The following PRKCZ variants were observed in gnomAD, a reference collection of about 807,000 sequenced individuals.
The protein encoded by PRKCZ is protein kinase C zeta.
A neutral mutation model predicts 79.5 loss-of-function variants in PRKCZ; 33 were observed. That is an observed-to-expected ratio of 0.41 (90% CI 0.31 to 0.55). The LOEUF (loss-of-function observed/expected upper bound fraction) is 0.55. Ranked by LOEUF, PRKCZ falls within the 20% of genes least tolerant of loss-of-function variation. The pLI is 0.19. For missense variants in PRKCZ, 578 were observed against 813.5 expected (o/e 0.71, Z 3.52); for synonymous variants, 342 against 320.9 (o/e 1.07, Z -0.70).
chr1:2,144,746 C>G, intron 6 of PRKCZ: 8 of 653,830 alleles, frequency 1.2e-5, no homozygotes, highest in Non-Finnish European at 1.4e-5. Context: ...CTGGCATCCC[C>G]CCTGGGAAGC....
At chr1:2,102,518 G>C (rs1336257503) in intron 4 of PRKCZ, among the ~76,000 whole-genome samples, 2 of 151,842 alleles carry the variant, frequency 1.3e-5, no homozygotes, top group Non-Finnish European at 1.5e-5. Flanking sequence ...ATTTTTAGTA[G>C]AGATGGGGTT....
At position 2,063,314 on chromosome 1, in the gene PRKCZ, T is replaced by C. The variant is rs74612275; in HGVS notation, c.334+3723T>C. 0.011 allele frequency among the ~76,000 whole-genome samples: 1,652 copies of C among 152,262 alleles called. 141 individuals are homozygous for C. The East Asian group carries it at 0.21, about 19-fold the overall frequency. On this transcript the variant is annotated intron_variant, in intron 4 of 17. Transcript: ENST00000378567. ...TTGCTGGATCATTGATCATTCTATT[T>C]TTATTCATTTATTTTTGAGATAGCG...
chr1:2,144,366 C>T (rs771863707), intron 6 of PRKCZ, 25 bp downstream of exon 6: 25 of 1,554,076 alleles, frequency 1.6e-5, no homozygotes, highest in East Asian at 2.4e-5. Flanking sequence ...TGGGGAGGCC[C>T]GGGGGGCACG....
intron 4 of PRKCZ, among the ~76,000 whole-genome samples, chr1:2,060,596 C>T (rs767318330): frequency 7.2e-5 from 11 of 152,162 alleles, no homozygotes; most frequent in Non-Finnish European, 1.6e-4. Flanking sequence ...ATGATCTGCC[C>T]GGGGAGAGGG....
Position 2,060,460 on chromosome 1 carries a change from G to C in PRKCZ, c.334+869G>C, listed in dbSNP as rs1480460075. Among the ~76,000 whole-genome samples the C allele has an allele frequency of 6.4e-5, 7 of 110,008 alleles. No individual in the cohort carries two copies. In the South Asian group the frequency reaches 1.0e-3, roughly 16 times the overall value. 72.2% of individuals were successfully genotyped at this position (110,008 alleles called of 152,430 possible). ...GTCTTGGCTTCCAGTGAGAAGTGGG[G>C]CTGAATAGAGGTTTGGCAGTGCTTA... On this transcript the variant is annotated intron_variant, in intron 4 of 17. Transcript: ENST00000378567.
intron 4 of PRKCZ, among the ~76,000 whole-genome samples, chr1:2,108,615 A>G (rs369340955): frequency 5.9e-5 from 9 of 152,290 alleles, no homozygotes; most frequent in African/African-American, 2.2e-4. Flanking sequence ...CTCTCTCTCC[A>G]GCCATGTCCC....
rs3067304 is a variant in PRKCZ, at chr1:2,101,019, TAAAA to T, written c.335-34227_335-34224del. 2.7e-3 allele frequency among the ~76,000 whole-genome samples: 364 copies of T among 133,480 alleles called. 4 individuals are homozygous for T. Among genetic ancestry groups the T allele is most frequent in the African/African-American group, 8.6e-3 (313 of 36,504 alleles). 87.6% of individuals were successfully genotyped at this position (133,480 alleles called of 152,430 possible). On this transcript the variant is annotated intron_variant, in intron 4 of 17. Coordinates refer to ENST00000378567, the MANE Select transcript of PRKCZ (RefSeq NM_002744.6). ...AAATGACTAAGACAATTTATTTTGT[TAAAA>T]AAAAAAAAAAAAAAAGGCGTTAAGA...
chr1:2,067,945 C>T (rs1256976711), intron 4 of PRKCZ, among the ~76,000 whole-genome samples: 1 of 152,204 alleles, frequency 6.6e-6, no homozygotes, highest in African/African-American at 2.4e-5. Context: ...TCCGCTGGCA[C>T]CTGGGCTGAC....
chr1:2,111,048 T>G (rs577176755), intron 4 of PRKCZ, among the ~76,000 whole-genome samples: 1 of 152,178 alleles, frequency 6.6e-6, no homozygotes, highest in East Asian at 1.9e-4. Flanking sequence ...TCACACAGCA[T>G]GGCGAGGTAA....
rs909142824 is a variant in PRKCZ at position 2,149,654 on chromosome 1, G to A, written c.687+730G>A. ...GCACATCGCTTGAGTCCAGGAGCTC[G>A]AGAACAGCCTGGGCAGCATAGCGAG... is the stretch of plus-strand genomic sequence containing the variant. On this transcript the variant is annotated intron_variant, in intron 8 of 17. Coordinates refer to ENST00000378567, the MANE Select transcript of PRKCZ (RefSeq NM_002744.6). This position sits in a 1 kb window ranked among gnomAD's most constrained non-coding sequence, Gnocchi z 4.1. Among the ~76,000 whole-genome samples, 104 of 152,184 alleles carry A rather than the reference G, an allele frequency of 6.8e-4. No individual in the cohort carries two copies. The highest frequency in any genetic ancestry group is 6.2e-3 in the Admixed American group (94 of 15,284).
rs1172953887 is a variant in PRKCZ, at chr1:2,101,647, C to T, written c.335-33615C>T. Among the ~76,000 whole-genome samples, 8 of 152,198 alleles carry T rather than the reference C, an allele frequency of 5.3e-5. No homozygotes were observed. In the East Asian group the frequency reaches 1.5e-3, roughly 29 times the overall value. Reference sequence around the variant, plus strand: ...AGTGCCCTGGGCTTCAGTTCCCCTTCCTGGAGAATGAGGGTGGGAGAGCAC... The same window carrying T: ...AGTGCCCTGGGCTTCAGTTCCCCTTTCTGGAGAATGAGGGTGGGAGAGCAC... On this transcript the variant is annotated intron_variant, in intron 4 of 17. Transcript: ENST00000378567.
At position 2,178,242 on chromosome 1, in the gene PRKCZ, G is replaced by A. The variant is rs1290325183; in HGVS notation, c.1575+2929G>A. On this transcript the variant is annotated intron_variant, in intron 16 of 17. Coordinates refer to ENST00000378567, the MANE Select transcript of PRKCZ (RefSeq NM_002744.6). The surrounding 1 kb of genome is among the most constrained non-coding windows in gnomAD (Gnocchi z 4.3). ...CCTGCAGTGGCTGCTCCGCCAGGCT[G>A]TGTGGCTCTGCCTGGTCTGCACATG... Among the ~76,000 whole-genome samples, 3 of 152,210 alleles carry A rather than the reference G, an allele frequency of 2.0e-5. No individual in the cohort carries two copies. The highest frequency in any genetic ancestry group is 4.4e-5 in the Non-Finnish European group (3 of 68,032).
intron 4 of PRKCZ, among the ~76,000 whole-genome samples, chr1:2,119,637 A>G (rs1671451820): frequency 6.6e-6 from 1 of 152,236 alleles, no homozygotes; most frequent in Non-Finnish European, 1.5e-5. Context: ...TGTCTTAGAC[A>G]GTGGTCCTTC....
At chr1:2,099,358 C>T (rs866652469) in intron 4 of PRKCZ, among the ~76,000 whole-genome samples, 1 of 152,196 alleles carries the variant, frequency 6.6e-6, no homozygotes, top group Non-Finnish European at 1.5e-5. Flanking sequence ...CCAGGCTGGG[C>T]GGCTGCCAGA....
rs1223057592 is a variant in PRKCZ at position 2,174,887 on chromosome 1, G to A, written c.1485+54G>A. ...TCGTTTGTGGCCTCGGTGTTGGTGG[G>A]CAGAGGGCCAGGCACGGCTGTTGGC... On this transcript the variant is annotated intron_variant, in intron 15 of 17. Transcript: ENST00000378567. The surrounding 1 kb of genome is among the most constrained non-coding windows in gnomAD (Gnocchi z 6.2). 2 of 1,567,310 alleles carry A rather than the reference G, an allele frequency of 1.3e-6. No individual in the cohort carries two copies. The highest frequency in any genetic ancestry group is 2.7e-5 in the African/African-American group (2 of 73,914).
At chr1:2,067,149 T>C (rs1367521523) in intron 4 of PRKCZ, among the ~76,000 whole-genome samples, 2 of 152,360 alleles carry the variant, frequency 1.3e-5, no homozygotes, top group African/African-American at 4.8e-5. Context: ...GGATAATGTC[T>C]GTTTTTTGAA....
Position 2,173,827 on chromosome 1 carries a change from C to G in PRKCZ, c.1286-70C>G, listed in dbSNP as rs908554950. ...CGTGTCAACTGGGCATGAAAACCAA[C>G]GCCAGCCAGGTTCGTCCTGCTGCCG... On this transcript the variant is annotated intron_variant, in intron 13 of 17. Transcript: ENST00000378567. The surrounding 1 kb of genome is among the most constrained non-coding windows in gnomAD (Gnocchi z 5.7). 6.6e-7 allele frequency: 1 copy of G among 1,508,330 alleles called. No individual in the cohort carries two copies. The highest frequency in any genetic ancestry group is 8.9e-7 in the Non-Finnish European group (1 of 1,124,026). 93.4% of individuals were successfully genotyped at this position (1,508,330 alleles called of 1,614,324 possible).
chr1:2,105,196 A>G (rs1164741292), intron 4 of PRKCZ, among the ~76,000 whole-genome samples: 1 of 152,204 alleles, frequency 6.6e-6, no homozygotes, highest in Non-Finnish European at 1.5e-5. Context: ...GTCAGGAGAC[A>G]GCTCTTGCGC....
At chr1:2,087,302 C>G (rs371195545) in intron 4 of PRKCZ, among the ~76,000 whole-genome samples, 1 of 152,082 alleles carries the variant, frequency 6.6e-6, no homozygotes, top group Admixed American at 6.5e-5. Flanking sequence ...AGGCTGGTCT[C>G]GAACTCCTGA....
Sources: allele counts gnomAD v4.1 joint callset (sites outside exome capture counted in the v4.1 genomes callset), GRCh38; gene constraint gnomAD v4.1.1; non-coding constraint Gnocchi (gnomAD v3.1); transcripts MANE v1.5; gene names NCBI Gene and HGNC (gene_info 2026-07-23, HGNC 2026-07-21).